The following ASB10 variants were observed in gnomAD, a reference collection of about 807,000 sequenced individuals.
ASB10 encodes ankyrin repeat and SOCS box containing 10.
ASB10 carries 44 observed loss-of-function variants against 35.4 expected under a neutral mutation model. The observed-to-expected ratio is 1.24, with a 90% CI of 0.98 to 1.60. The LOEUF (loss-of-function observed/expected upper bound fraction) is 1.60. Ranked by LOEUF, ASB10 falls within the 40% of genes most tolerant of loss-of-function variation. The probability of loss-of-function intolerance (pLI) is 0.00; values close to 1 mark genes in which losing one functional copy is unlikely to be tolerated. For missense variants in ASB10, 647 were observed against 634.3 expected, an observed-to-expected ratio of 1.02 and a Z score of -0.22; for synonymous variants, 294 against 280.4, an observed-to-expected ratio of 1.05 and a Z score of -0.49.
At position 151,187,239 on chromosome 7, in the gene ASB10, C is replaced by A; in HGVS notation, c.-109G>T. The A allele has an allele frequency of 6.6e-7, 1 of 1,526,446 alleles. No individual in the cohort carries two copies. The allele number at this position is 1,526,446 out of a possible 1,614,324, so 94.6% of individuals were successfully genotyped here. A position where few individuals can be genotyped will look rare whatever the true frequency, so the allele number is the denominator to read the frequency against. On this transcript the variant is annotated 5_prime_UTR_variant, in exon 1 of 6. Transcript: ENST00000420175. The surrounding 1 kb of genome is among the most constrained non-coding windows in gnomAD (Gnocchi z 5.3). ...ACAGACAGAAGGCCCCTGTGTCCCA[C>A]GCTCCGAGGCTGACCTGGCCACGCA...
At chr7:151,179,030 C>T (rs779009369) in intron 3 of ASB10, among the ~76,000 whole-genome samples, 1 of 152,156 alleles carries the variant, frequency 6.6e-6, no homozygotes, top group Non-Finnish European at 1.5e-5. Flanking sequence ...TCCAGGAAGC[C>T]CATGCAGCTA....
At chr7:151,184,872 A>G (rs1339154619) in intron 2 of ASB10, among the ~76,000 whole-genome samples, 2 of 151,762 alleles carry the variant, frequency 1.3e-5, no homozygotes, top group African/African-American at 2.4e-5. Flanking sequence ...AATACAAAAA[A>G]TTAGCCAGGC....
Position 151,187,092 on chromosome 7 carries a change from C to A in ASB10, c.39G>T (p.Gln13His). 1 of 1,601,866 alleles carries A rather than the reference C, an allele frequency of 6.2e-7. No individual in the cohort carries two copies. Among genetic ancestry groups the A allele is most frequent in the East Asian group, 2.2e-5 (1 of 44,488 alleles). ...MSWSPEECKG[Q>H]GEPLDDRHPL... ...GGTGTCTGTCATCGAGGGGCTCTCC[C>A]TGCCCCTTGCACTCTTCTGGAGACC... The change falls in exon 1 of 6, where the codon CAG (glutamine) becomes CAT (histidine). Residue 13 changes from glutamine to histidine, a missense_variant. Physicochemically the swap from Gln to His is conservative, Grantham distance 24 (BLOSUM62 0). Coordinates refer to ENST00000420175, the MANE Select transcript of ASB10 (RefSeq NM_001142459.2). The surrounding 1 kb of genome is among the most constrained non-coding windows in gnomAD (Gnocchi z 5.3).
At chr7:151,182,016 C>A (rs780240886) in intron 2 of ASB10, among the ~76,000 whole-genome samples, 1 of 152,328 alleles carries the variant, frequency 6.6e-6, no homozygotes, top group South Asian at 2.1e-4. Flanking sequence ...GTGGTTAGAA[C>A]AGGCGCCTGC....
In ASB10 at chr7:151,181,100, A is replaced by G. The variant is rs758844108; in HGVS notation, c.943T>C (p.Ser315Pro). 4.3e-6 allele frequency: 7 copies of G among 1,612,314 alleles called. No individual in the cohort carries two copies. Among genetic ancestry groups the G allele is most frequent in the Non-Finnish European group, 5.1e-6 (6 of 1,179,754 alleles). ...GHAAVVELLL[S>P]CGVSANTMDY... is the part of the protein sequence containing the mutation. ...ATGGTGTTGGCGCTGACACCACAGG[A>G]CAGGAGCAGCTCCACGACAGCTGCA... The change falls in exon 3 of 6, where the codon TCC becomes CCC. Residue 315 changes from serine (S) to proline (P), a missense_variant. Physicochemically the swap from Ser to Pro is moderately conservative, Grantham distance 74. Transcript: ENST00000420175.
In ASB10 at chr7:151,180,942, G is replaced by A. The variant is rs1272005613; in HGVS notation, c.1101C>T (p.Pro367=). 1.3e-6 allele frequency: 2 copies of A among 1,528,346 alleles called. No homozygotes were observed. Among genetic ancestry groups the A allele is most frequent in the Non-Finnish European group, 1.8e-6 (2 of 1,134,704 alleles). 94.7% of individuals were successfully genotyped at this position (1,528,346 alleles called of 1,614,324 possible). The change falls in exon 3 of 6, where the codon CCC becomes CCT. Residue 367 remains proline (P), a synonymous_variant. Coordinates refer to ENST00000420175, the MANE Select transcript of ASB10 (RefSeq NM_001142459.2). ...CTGCTGCCTGCAGCCCCCATACCTTGGGGAGGGCCCCTGGCCAGACACGGA... is the reference window on the plus strand; with the variant it reads ...CTGCTGCCTGCAGCCCCCATACCTTAGGGAGGGCCCCTGGCCAGACACGGA... ...GAVRVWPGAL[P]KVLERWSTCP...
Position 151,187,106 on chromosome 7 carries a change from C to G in ASB10, c.25G>C (p.Glu9Gln). Reference protein sequence around the residue: MLMSWSPEECKGQGEPLDD... With the variant: MLMSWSPEQCKGQGEPLDD... ...AGGGGCTCTCCCTGCCCCTTGCACT[C>G]TTCTGGAGACCAACTCATGAGCATG... is the stretch of plus-strand genomic sequence containing the variant. Residue 9 changes from glutamate (E) to glutamine (Q), a missense_variant, in exon 1 of 6, where the codon GAG (glutamate) becomes CAG (glutamine). Glu to Gln is a conservative substitution (Grantham distance 29). Coordinates refer to ENST00000420175, the MANE Select transcript of ASB10 (RefSeq NM_001142459.2). This position sits in a 1 kb window ranked among gnomAD's most constrained non-coding sequence, Gnocchi z 5.3. 1 of 1,596,198 alleles carries G rather than the reference C, an allele frequency of 6.3e-7. No homozygotes were observed. The highest frequency in any genetic ancestry group is 8.5e-7 in the Non-Finnish European group (1 of 1,171,548).
Position 151,176,643 on chromosome 7 carries a change from T to A in ASB10, c.1138A>T (p.Ile380Phe), listed in dbSNP as rs973068070. 1.9e-6 allele frequency: 3 copies of A among 1,551,320 alleles called. No individual in the cohort carries two copies. The highest frequency in any genetic ancestry group is 1.4e-5 in the African/African-American group (1 of 73,024). The change falls in exon 4 of 6, where the codon ATC becomes TTC. Residue 380 changes from isoleucine to phenylalanine, a missense_variant. Transcript: ENST00000420175. ...LERWSTCPRT[I>F]EVLMNTYSVV... ...CTGTAGGTGTTCATCAGGACCTCGA[T>A]GGTCCGAGGGCACGTGCTCCAGCGC...
At chr7:151,185,682 G>A (rs925404412) in intron 2 of ASB10, among the ~76,000 whole-genome samples, 10 of 152,176 alleles carry the variant, frequency 6.6e-5, no homozygotes, top group Non-Finnish European at 1.5e-5. Flanking sequence ...GCCTCTATAG[G>A]ATGTAGAGTT....
At chr7:151,186,128 T>G (rs1355624184) in intron 2 of ASB10, among the ~76,000 whole-genome samples, 4 of 152,096 alleles carry the variant, frequency 2.6e-5, no homozygotes, top group Admixed American at 2.6e-4. Flanking sequence ...AGCCAGGCAA[T>G]TTCCCAATGC....
At position 151,180,971 on chromosome 7, in the gene ASB10, C is replaced by T. The variant is rs201589795; in HGVS notation, c.1072G>A (p.Ala358Thr). 3.7e-5 allele frequency: 58 copies of T among 1,574,748 alleles called. No individual in the cohort carries two copies. The highest frequency in any genetic ancestry group is 7.0e-5 in the Admixed American group (4 of 57,376). The change falls in exon 3 of 6, where the codon GCC becomes ACC. Residue 358 changes from alanine to threonine, a missense_variant. Ala to Thr is a moderately conservative substitution (Grantham distance 58, BLOSUM62 0). Coordinates refer to ENST00000420175, the MANE Select transcript of ASB10 (RefSeq NM_001142459.2). ...HVVRALLNHG[A>T]VRVWPGALPK... ...AGGGCCCCTGGCCAGACACGGACGGCGCCATGGTTGAGCAGAGCCCGAACC... is the reference window on the plus strand; with the variant it reads ...AGGGCCCCTGGCCAGACACGGACGGTGCCATGGTTGAGCAGAGCCCGAACC...
upstream of ASB10, chr7:151,187,258 C>A (rs1801618644): frequency 1.3e-6 from 2 of 1,515,576 alleles, no homozygotes; most frequent in African/African-American, 2.8e-5. The surrounding 1 kb of genome is among the most constrained non-coding windows in gnomAD (Gnocchi z 5.3). Flanking sequence ...GCTGACCTGG[C>A]CACGCATCCA....
At chr7:151,180,535 A>T (rs899529299) in intron 3 of ASB10, among the ~76,000 whole-genome samples, 20 of 152,040 alleles carry the variant, frequency 1.3e-4, no homozygotes, top group African/African-American at 4.8e-4. Context: ...TGCTATTTTC[A>T]TCAGTTTGCT....
chr7:151,181,740 G>A (rs1801499410), intron 2 of ASB10, among the ~76,000 whole-genome samples: 1 of 151,832 alleles, frequency 6.6e-6, no homozygotes, highest in South Asian at 2.1e-4. Flanking sequence ...AGCCTCCAGA[G>A]TAGCTGGGAT....
chr7:151,176,177 G>A lies in ASB10; in HGVS notation c.1339C>T (p.Arg447Cys), dbSNP rs1302735729. ...AGCAGGCGCGGTGGCAGGGGGAGGCGGGGCAGCGCTTGGGGCAGGCTGCCC... is the reference window on the plus strand; with the variant it reads ...AGCAGGCGCGGTGGCAGGGGGAGGCAGGGCAGCGCTTGGGGCAGGCTGCCC... ...LEGSLPQALP[R>C]LPLPPRLLRY... Residue 447 changes from arginine (R) to cysteine (C), a missense_variant, in exon 5 of 6, where the codon CGC becomes TGC. By Grantham distance (180) the Arg-to-Cys change is radical (BLOSUM62 -3). Transcript: ENST00000420175. 2 of 1,611,440 alleles carry A rather than the reference G, an allele frequency of 1.2e-6. No individual in the cohort carries two copies. Among genetic ancestry groups the A allele is most frequent in the East Asian group, 2.2e-5 (1 of 44,860 alleles).
chr7:151,176,490 G>A, intron 4 of ASB10, 73 bp downstream of exon 4: 1 of 1,496,460 alleles, frequency 6.7e-7, no homozygotes, highest in Non-Finnish European at 9.0e-7. Context: ...TTTCTATGGG[G>A]GGCTGCGGTT....
At position 151,187,240 on chromosome 7, in the gene ASB10, G is replaced by A. The variant is rs1183103707; in HGVS notation, c.-110C>T. The A allele has an allele frequency of 4.6e-6, 7 of 1,525,968 alleles. No homozygotes were observed. The highest frequency in any genetic ancestry group is 2.0e-5 in the Admixed American group (1 of 49,602). The allele number at this position is 1,525,968 out of a possible 1,614,324, so 94.5% of individuals were successfully genotyped here. A position where few individuals can be genotyped will look rare whatever the true frequency, so the allele number is the denominator to read the frequency against. ...CAGACAGAAGGCCCCTGTGTCCCAC[G>A]CTCCGAGGCTGACCTGGCCACGCAT... is the stretch of plus-strand genomic sequence containing the variant. On this transcript the variant is annotated 5_prime_UTR_variant, in exon 1 of 6. Coordinates refer to ENST00000420175, the MANE Select transcript of ASB10 (RefSeq NM_001142459.2). This position sits in a 1 kb window ranked among gnomAD's most constrained non-coding sequence, Gnocchi z 5.3.
chr7:151,187,435 C>A, upstream of ASB10: 1 of 1,551,112 alleles, frequency 6.4e-7, no homozygotes, highest in Non-Finnish European at 8.7e-7. The surrounding 1 kb of genome is among the most constrained non-coding windows in gnomAD (Gnocchi z 5.3). Context: ...TCTCAGCAAC[C>A]CCCAGATGCC....
In ASB10 at chr7:151,181,270, A is replaced by G. The variant is rs1189764039; in HGVS notation, c.773T>C (p.Val258Ala). Residue 258 changes from valine to alanine, a missense_variant, in exon 3 of 6, where the codon GTC becomes GCC. Coordinates refer to ENST00000420175, the MANE Select transcript of ASB10 (RefSeq NM_001142459.2). ...GGCATCGGTGATGGACTGGCAGCGG[A>G]CGTCACAGGCAGCCAGCAGTGGGGT... Reference protein sequence around the residue: ...GWTPLLAACDVRCQSITDAEA... With the variant: ...GWTPLLAACDARCQSITDAEA... 3.7e-6 allele frequency: 6 copies of G among 1,613,120 alleles called. No homozygotes were observed. In the Admixed American group the frequency reaches 8.3e-5, roughly 22 times the overall value.
Sources: allele counts gnomAD v4.1 joint callset (sites outside exome capture counted in the v4.1 genomes callset), GRCh38; gene constraint gnomAD v4.1.1; non-coding constraint Gnocchi (gnomAD v3.1); transcripts MANE v1.5; gene names NCBI Gene and HGNC (gene_info 2026-07-23, HGNC 2026-07-21).